The following LRP1B variants were observed in gnomAD, a reference collection of about 807,000 sequenced individuals.
LRP1B encodes LDL receptor related protein 1B.
A neutral mutation model predicts 556.6 loss-of-function variants in LRP1B; 217 were observed. The observed-to-expected ratio is 0.39, with a 90% CI of 0.35 to 0.44. The LOEUF is 0.44. Among genes scored for constraint, LRP1B ranks in the 20% least tolerant of loss-of-function variants. The probability of loss-of-function intolerance (pLI) is 1.00; values close to 1 mark genes in which losing one functional copy is unlikely to be tolerated. For synonymous variants in LRP1B, 2,047 were observed against 1,865.8 expected, an observed-to-expected ratio of 1.10 and a Z score of -2.50; for missense variants, 5,053 against 5,620.8, an observed-to-expected ratio of 0.90 and a Z score of 3.23.
intron 41 of LRP1B, among the ~76,000 whole-genome samples, chr2:140,602,428 A>G (rs1040536434): frequency 9.2e-5 from 14 of 152,078 alleles, no homozygotes; most frequent in African/African-American, 3.4e-4. Context: ...AAGTATAATC[A>G]AATTATTACA....
chr2:141,046,180 G>C (rs1346338878), intron 11 of LRP1B, among the ~76,000 whole-genome samples: 1 of 152,088 alleles, frequency 6.6e-6, no homozygotes, highest in Non-Finnish European at 1.5e-5. Context: ...AGATATTTAT[G>C]TTTATTTACA....
At position 141,229,204 on chromosome 2, in the gene LRP1B, T is replaced by C. The variant is rs1190571844; in HGVS notation, c.829A>G (p.Asn277Asp). The C allele has an allele frequency of 6.2e-7, 1 of 1,613,046 alleles. No individual in the cohort carries two copies. Among genetic ancestry groups the C allele is most frequent in the Non-Finnish European group, 8.5e-7 (1 of 1,179,490 alleles). Reference sequence around the variant, plus strand: ...TTACTGTGGAAGGATTGAAGAATATTGATTGTCCATTCATCTGTTAATCCT... The same window carrying C: ...TTACTGTGGAAGGATTGAAGAATATCGATTGTCCATTCATCTGTTAATCCT... ...AGGLTDEWTINILQSFHNVQQ... is the reference protein window; with the variant it reads ...AGGLTDEWTIDILQSFHNVQQ... The change falls in exon 6 of 91, where the codon AAT (asparagine) becomes GAT (aspartate). Residue 277 changes from asparagine to aspartate, a missense_variant. By Grantham distance (23) the Asn-to-Asp change is conservative. This residue lies in a region of LRP1B where 3,619 missense variants were observed against 3,931.9 expected (regional missense o/e 0.92). Coordinates refer to ENST00000389484, the MANE Select transcript of LRP1B (RefSeq NM_018557.3).
intron 14 of LRP1B, 124 bp from the exon 15 acceptor site, chr2:141,005,581 G>A (rs1278434930): frequency 1.4e-6 from 1 of 715,614 alleles, no homozygotes; most frequent in African/African-American, 1.8e-5. Flanking sequence ...GTAATATAGT[G>A]AAGATTTCTG....
At chr2:140,683,484 G>A (rs1330984752) in intron 41 of LRP1B, 1 of 570,796 alleles carries the variant, frequency 1.8e-6, no homozygotes, top group Non-Finnish European at 3.4e-6. Flanking sequence ...GCTGACCCAA[G>A]GTTTGAGATC....
In LRP1B at chr2:141,753,263, C is replaced by CATATATATATATATATAT. The variant is rs144027196; in HGVS notation, c.205+56998_205+57015dup. Reference sequence around the variant, plus strand: ...AACACACACACTCTCTCTCTCTCTCCATATATATATATATATATATCCCAG... The same window carrying CATATATATATATATATAT: ...AACACACACACTCTCTCTCTCTCTCCATATATATATATATATATATATATATATATATATATATCCCAG... On this transcript the variant is annotated intron_variant, in intron 2 of 90. Coordinates refer to ENST00000389484, the MANE Select transcript of LRP1B (RefSeq NM_018557.3). 6.0e-3 allele frequency among the ~76,000 whole-genome samples: 372 copies of CATATATATATATATATAT among 62,504 alleles called. 64 individuals carry two copies. The highest frequency in any genetic ancestry group is 0.014 in the East Asian group (29 of 2,062). The allele number at this position is 62,504 out of a possible 152,430, so 41.0% of individuals were successfully genotyped here.
intron 84 of LRP1B, among the ~76,000 whole-genome samples, chr2:140,286,901 C>T (rs1170013709): frequency 2.6e-5 from 4 of 151,598 alleles, no homozygotes; most frequent in Non-Finnish European, 5.9e-5. Context: ...TAGATTATCG[C>T]ACTTTAAACT....
At chr2:141,810,493 T>C (rs1696321994) in intron 1 of LRP1B, 92 bp from the exon 2 acceptor site, 4 of 1,314,468 alleles carry the variant, frequency 3.0e-6, no homozygotes, top group Non-Finnish European at 4.3e-6. Context: ...AAGCAATACA[T>C]AAAAGGTACA....
chr2:141,324,038 A>G (rs1168323735), intron 3 of LRP1B, among the ~76,000 whole-genome samples: 2 of 132,686 alleles, frequency 1.5e-5, no homozygotes, highest in East Asian at 2.0e-4. Flanking sequence ...CCACACACAC[A>G]CACACACACA....
intron 2 of LRP1B, among the ~76,000 whole-genome samples, chr2:141,549,572 A>G (rs898849001): frequency 1.1e-4 from 17 of 151,950 alleles, no homozygotes; most frequent in African/African-American, 3.9e-4. Context: ...TCTCTTTTTT[A>G]TATGTTTTTA....
intron 1 of LRP1B, among the ~76,000 whole-genome samples, chr2:141,956,066 T>C (rs556269649): frequency 6.6e-6 from 1 of 152,120 alleles, no homozygotes; most frequent in African/African-American, 2.4e-5. Context: ...TGAAGTTATC[T>C]TTAATTGTCT....
chr2:141,207,337 C>T (rs1682330994), intron 6 of LRP1B, among the ~76,000 whole-genome samples: 1 of 152,054 alleles, frequency 6.6e-6, no homozygotes, highest in South Asian at 2.1e-4. Context: ...ATTTTGTCTA[C>T]CTCTCACAAC....
intron 35 of LRP1B, among the ~76,000 whole-genome samples, chr2:140,719,372 T>C (rs1402705425): frequency 6.6e-6 from 1 of 151,602 alleles, no homozygotes; most frequent in African/African-American, 2.4e-5. Flanking sequence ...CAAGTATTTT[T>C]GCAGGAATTC....
chr2:141,520,429 T>G (rs896978823), intron 2 of LRP1B, among the ~76,000 whole-genome samples: 1 of 152,034 alleles, frequency 6.6e-6, no homozygotes, highest in African/African-American at 2.4e-5. Flanking sequence ...CTCCCTGTCA[T>G]GAAGTCATGG....
intron 2 of LRP1B, among the ~76,000 whole-genome samples, chr2:141,685,352 G>A (rs1223550470): frequency 7.2e-5 from 11 of 152,068 alleles, no homozygotes; most frequent in South Asian, 2.1e-4. Context: ...TGAGATTTTG[G>A]ACTTTAAATT....
intron 1 of LRP1B, among the ~76,000 whole-genome samples, chr2:142,098,795 T>G (rs931415755): frequency 1.3e-5 from 2 of 151,846 alleles, no homozygotes; most frequent in Non-Finnish European, 2.9e-5. Flanking sequence ...ATGCCTCACG[T>G]TATTCTGAGA....
At chr2:140,594,389 G>T (rs1682351896) in intron 43 of LRP1B, among the ~76,000 whole-genome samples, 1 of 152,214 alleles carries the variant, frequency 6.6e-6, no homozygotes, top group African/African-American at 2.4e-5. Context: ...AAAGCTTTAA[G>T]ATGTAATGCA....
At chr2:141,738,109 T>C (rs959965276) in intron 2 of LRP1B, among the ~76,000 whole-genome samples, 2 of 152,136 alleles carry the variant, frequency 1.3e-5, no homozygotes, top group African/African-American at 2.4e-5. Flanking sequence ...CTACCTATCA[T>C]AGTATGCTTC....
intron 72 of LRP1B, 88 bp downstream of exon 72, chr2:140,364,573 G>A (rs2105150776): frequency 6.8e-7 from 1 of 1,469,412 alleles, no homozygotes; most frequent in South Asian, 1.3e-5. Flanking sequence ...GGTATAATTG[G>A]TAGTTCACCT....
intron 1 of LRP1B, among the ~76,000 whole-genome samples, chr2:141,850,219 C>G (rs1697799479): frequency 6.6e-6 from 1 of 151,608 alleles, no homozygotes; most frequent in Admixed American, 6.6e-5. Flanking sequence ...CTGCAGAAGT[C>G]ATTTTTATGC....
Sources: allele counts gnomAD v4.1 joint callset (sites outside exome capture counted in the v4.1 genomes callset), GRCh38; gene constraint gnomAD v4.1.1; regional missense constraint gnomAD v4.1.1; transcripts MANE v1.5; gene names NCBI Gene and HGNC (gene_info 2026-07-23, HGNC 2026-07-21).